PHACTR3: variants seen among roughly 807,000 people sequenced by gnomAD.
The protein encoded by PHACTR3 is phosphatase and actin regulator 3.
PHACTR3 carries 16 observed loss-of-function variants against 66.8 expected under a neutral mutation model. The ratio of observed to expected loss-of-function variants is 0.24; its 90% CI spans 0.16 to 0.36. The LOEUF is 0.36. Among genes scored for constraint, PHACTR3 ranks in the 10% least tolerant of loss-of-function variants. The probability of loss-of-function intolerance (pLI) is 1.00; values close to 1 mark genes in which losing one functional copy is unlikely to be tolerated. For missense variants in PHACTR3, 647 were observed against 719.9 expected (o/e 0.90, Z 1.16); for synonymous variants, 323 against 292.1 (o/e 1.11, Z -1.08).
chr20:59,761,532 T>A (rs1051427127), intron 4 of PHACTR3, among the ~76,000 whole-genome samples: 1 of 152,222 alleles, frequency 6.6e-6, no homozygotes, highest in Non-Finnish European at 1.5e-5. Flanking sequence ...GCAAAGTGTG[T>A]CCCCTGCCCT....
At chr20:59,712,283 A>C (rs1264421080) in intron 1 of PHACTR3, among the ~76,000 whole-genome samples, 1 of 152,158 alleles carries the variant, frequency 6.6e-6, no homozygotes, top group Non-Finnish European at 1.5e-5. Context: ...TATGCGTTGC[A>C]TTGTTGAGAA....
intron 1 of PHACTR3, among the ~76,000 whole-genome samples, chr20:59,726,536 A>G (rs1470945061): frequency 6.6e-6 from 1 of 152,160 alleles, no homozygotes; most frequent in African/African-American, 2.4e-5. Context: ...CTGCTCTTAT[A>G]GGTTGGCTTT....
intron 1 of PHACTR3, among the ~76,000 whole-genome samples, chr20:59,721,985 C>G (rs1601186683): frequency 6.6e-6 from 1 of 152,144 alleles, no homozygotes; most frequent in Non-Finnish European, 1.5e-5. Flanking sequence ...AATCCCAGCA[C>G]TTTGGGAGGC....
chr20:59,723,060 C>CTCTTTCTTTCTTTCTTTCTT (rs140524195), intron 1 of PHACTR3, among the ~76,000 whole-genome samples: 24 of 118,766 alleles, frequency 2.0e-4, no homozygotes, highest in East Asian at 4.9e-4. Flanking sequence ...TTCTTTCTTT[C>CTCTTTCTTTCTTTCTTTCTT]TCTTTCTTTC....
chr20:59,720,411 C>T (rs2038250406), intron 1 of PHACTR3, among the ~76,000 whole-genome samples: 2 of 152,190 alleles, frequency 1.3e-5, no homozygotes, highest in Admixed American at 6.5e-5. Flanking sequence ...AATTCCTGTC[C>T]CCTTTGCATA....
chr20:59,619,920 A>G (rs1378893142), intron 1 of PHACTR3, among the ~76,000 whole-genome samples: 1 of 152,088 alleles, frequency 6.6e-6, no homozygotes, highest in Non-Finnish European at 1.5e-5. Flanking sequence ...TGGTCATGGC[A>G]TTGTCCTGAG....
At chr20:59,806,231 T>C (rs372765619) in intron 8 of PHACTR3, 37 bp downstream of exon 8, 38 of 1,603,128 alleles carry the variant, frequency 2.4e-5, no homozygotes, top group Non-Finnish European at 3.1e-5. Context: ...GGGCCTGTGC[T>C]CTGGCCTTGC....
chr20:59,640,598 G>A (rs554299081), intron 1 of PHACTR3, among the ~76,000 whole-genome samples: 6 of 152,304 alleles, frequency 3.9e-5, no homozygotes, highest in Admixed American at 2.6e-4. Context: ...GGGCATGTGC[G>A]TGACTGTCAG....
chr20:59,723,666 G>A (rs186185051), intron 1 of PHACTR3, among the ~76,000 whole-genome samples: 4 of 152,178 alleles, frequency 2.6e-5, no homozygotes, highest in African/African-American at 7.2e-5. Context: ...GCAAGCTCAG[G>A]AGCAGAATCA....
At chr20:59,661,378 C>T (rs78155300) in intron 1 of PHACTR3, among the ~76,000 whole-genome samples, 2,144 of 152,180 alleles carry the variant, frequency 0.014, 22 homozygotes, top group Non-Finnish European at 0.022. Flanking sequence ...GGAGCATGCA[C>T]GTTGCTAATG....
rs558420261 is a variant in PHACTR3, at chr20:59,767,396, G to A, written c.751+1G>A. On this transcript the variant is annotated splice_donor_variant, in intron 5 of 12. Coordinates refer to ENST00000371015, the MANE Select transcript of PHACTR3 (RefSeq NM_080672.5). LOFTEE classifies it high-confidence loss of function. Reference sequence around the variant, plus strand: ...TCCAAAACCACAAAAAATGTCACAGGTGGGTCCACATGCATCCTGCCCATT... The same window carrying A: ...TCCAAAACCACAAAAAATGTCACAGATGGGTCCACATGCATCCTGCCCATT... 1 of 1,613,180 alleles carries A rather than the reference G, an allele frequency of 6.2e-7. No individual in the cohort carries two copies. The highest frequency in any genetic ancestry group is 1.7e-5 in the Admixed American group (1 of 60,004).
Position 59,604,877 on chromosome 20 carries a change from C to CTTGTTTTTTT in PHACTR3, c.-136_-135insGTTTTTTTTT. The CTTGTTTTTTT allele has an allele frequency of 1.0e-6, 1 of 977,908 alleles. No homozygotes were observed. The allele number at this position is 977,908 out of a possible 1,614,324, so 60.6% of individuals were successfully genotyped here. A position where few individuals can be genotyped will look rare whatever the true frequency, so the allele number is the denominator to read the frequency against. ...TCTCCAGCTCGTTTCCTTTCCCGGC[C>CTTGTTTTTTT]TTTTTTTTTTTTTTTTTTTTTTAAT... On this transcript the variant is annotated 5_prime_UTR_variant, in exon 1 of 13. Coordinates refer to ENST00000371015, the MANE Select transcript of PHACTR3 (RefSeq NM_080672.5).
chr20:59,752,952 C>T (rs1489640752), intron 3 of PHACTR3, among the ~76,000 whole-genome samples: 3 of 152,072 alleles, frequency 2.0e-5, no homozygotes, highest in Admixed American at 6.5e-5. Context: ...ACGTCAAATG[C>T]GAGTAAGTCG....
chr20:59,585,942 CTCT>C (rs547793689), intron 1 of PHACTR3, among the ~76,000 whole-genome samples: 206 of 152,314 alleles, frequency 1.4e-3, no homozygotes, highest in African/African-American at 4.1e-3. Context: ...TGGAAGCTGG[CTCT>C]TCCTCCTGAA....
Position 59,683,138 on chromosome 20 carries a change from G to A in PHACTR3, c.119-59969G>A, listed in dbSNP as rs529660192. Among the ~76,000 whole-genome samples the A allele has an allele frequency of 1.8e-4, 27 of 152,326 alleles. No homozygotes were observed. In the South Asian group the frequency reaches 5.4e-3, roughly 30 times the overall value. On this transcript the variant is annotated intron_variant, in intron 1 of 12. Coordinates refer to ENST00000371015, the MANE Select transcript of PHACTR3 (RefSeq NM_080672.5). ...GAGCAGATGGGGAAACAGGGACAGT[G>A]GAGTTTCAAGGGAGGACTCTCAGGT...
chr20:59,784,400 G>A (rs561262363), intron 7 of PHACTR3, among the ~76,000 whole-genome samples: 1 of 152,250 alleles, frequency 6.6e-6, no homozygotes, highest in East Asian at 1.9e-4. Context: ...TGTGGTGTGT[G>A]TCTATCCCAT....
At chr20:59,697,893 A>C (rs1308261105) in intron 1 of PHACTR3, among the ~76,000 whole-genome samples, 1 of 152,218 alleles carries the variant, frequency 6.6e-6, no homozygotes, top group East Asian at 1.9e-4. Flanking sequence ...GTTGGCAAAC[A>C]CATGTGGAAA....
intron 1 of PHACTR3, among the ~76,000 whole-genome samples, chr20:59,646,077 G>A (rs569032763): frequency 2.0e-5 from 3 of 152,280 alleles, no homozygotes; most frequent in South Asian, 2.1e-4. Context: ...CAGCCCCTGC[G>A]ATTCTGAGGG....
intron 1 of PHACTR3, among the ~76,000 whole-genome samples, chr20:59,641,439 G>T (rs1052962710): frequency 2.6e-5 from 4 of 152,206 alleles, no homozygotes; most frequent in Non-Finnish European, 5.9e-5. Flanking sequence ...AGCTAATGGT[G>T]TAAATTTCAG....
Sources: allele counts gnomAD v4.1 joint callset (sites outside exome capture counted in the v4.1 genomes callset), GRCh38; gene constraint gnomAD v4.1.1; transcripts MANE v1.5; gene names NCBI Gene and HGNC (gene_info 2026-07-23, HGNC 2026-07-21).